MACROH2A1: variants seen among roughly 807,000 people sequenced by gnomAD.
MACROH2A1 encodes the protein core histone macro-H2A.1.
In MACROH2A1, 2 loss-of-function variants were observed where a neutral mutation model predicts 31.6. That is an observed-to-expected ratio of 0.06 (90% confidence interval 0.03 to 0.20). MACROH2A1 has a LOEUF of 0.20. Ranked by LOEUF, MACROH2A1 falls within the 10% of genes least tolerant of loss-of-function variation. MACROH2A1 has a pLI of 1.00. For missense variants in MACROH2A1, 230 were observed against 474.0 expected, an observed-to-expected ratio of 0.49 and a Z score of 4.78; for synonymous variants, 169 against 189.6, an observed-to-expected ratio of 0.89 and a Z score of 0.89.
chr5:135,346,098 C>A, intron 6 of MACROH2A1, 41 bp from the exon 7 acceptor site: 1 of 1,146,068 alleles, frequency 8.7e-7, no homozygotes, highest in Non-Finnish European at 1.3e-6. Context: ...CATTCTGTGT[C>A]TCCGGCACAC....
At position 135,388,797 on chromosome 5, in the gene MACROH2A1, T is replaced by G. The variant is rs1273015795; in HGVS notation, c.172+125A>C. On this transcript the variant is annotated intron_variant, in intron 2 of 8. Coordinates refer to ENST00000511689, the MANE Select transcript of MACROH2A1 (RefSeq NM_138610.3). The stretch of plus-strand genomic sequence containing the variant: ...CTAGGTGAAAATGTTCCTTGTACTC[T>G]TCTTGTAACTTTTCTGTAGGTTTGA... The G allele has an allele frequency of 4.7e-5, 36 of 758,198 alleles. No homozygotes were observed. In the South Asian group the frequency reaches 6.4e-4, roughly 13 times the overall value. The allele number at this position is 758,198 out of a possible 1,614,324, so 47.0% of individuals were successfully genotyped here.
intron 4 of MACROH2A1, among the ~76,000 whole-genome samples, chr5:135,367,576 C>A (rs1050914984): frequency 6.6e-6 from 1 of 152,186 alleles, no homozygotes; most frequent in Non-Finnish European, 1.5e-5. Context: ...TAGGGGAAGA[C>A]TAGAGTAACA....
chr5:135,387,812 G>T (rs966497265), intron 2 of MACROH2A1, among the ~76,000 whole-genome samples: 4 of 152,228 alleles, frequency 2.6e-5, no homozygotes, highest in Admixed American at 6.5e-5. Context: ...CAGGACCAAG[G>T]ACCCCTTGGA....
chr5:135,338,902 T>G (rs1759279837), intron 8 of MACROH2A1, among the ~76,000 whole-genome samples: 1 of 152,214 alleles, frequency 6.6e-6, no homozygotes, highest in Non-Finnish European at 1.5e-5. Flanking sequence ...CTCTAAGCAT[T>G]AATTTCCTCC....
chr5:135,350,870 G>A (rs1465499871), intron 6 of MACROH2A1: 1 of 1,613,292 alleles, frequency 6.2e-7, no homozygotes. Context: ...GTGAACGACA[G>A]CATCACTGTC....
chr5:135,360,864 A>C (rs1261811908), intron 4 of MACROH2A1: 1 of 640,920 alleles, frequency 1.6e-6, no homozygotes, highest in African/African-American at 1.8e-5. Context: ...TTCACTTTAC[A>C]GTGATCATTT....
chr5:135,342,571 A>G (rs1478266698), intron 8 of MACROH2A1, among the ~76,000 whole-genome samples: 4 of 152,132 alleles, frequency 2.6e-5, no homozygotes, highest in Admixed American at 6.5e-5. Context: ...TCCTCCGGGT[A>G]TGTGTATGTC....
At chr5:135,393,879 A>T (rs1767591670) in intron 1 of MACROH2A1, among the ~76,000 whole-genome samples, 1 of 152,230 alleles carries the variant, frequency 6.6e-6, no homozygotes, top group Non-Finnish European at 1.5e-5. Flanking sequence ...ATAAAACCTC[A>T]AAGCTTACCC....
intron 1 of MACROH2A1, 137 bp from the exon 2 acceptor site, chr5:135,389,263 C>A: frequency 2.0e-6 from 1 of 491,418 alleles, no homozygotes; most frequent in South Asian, 4.4e-5. Flanking sequence ...CCCTCCGGGT[C>A]CAGGTGATGC....
At chr5:135,338,985 G>C (rs558513121) in intron 8 of MACROH2A1, among the ~76,000 whole-genome samples, 1 of 152,110 alleles carries the variant, frequency 6.6e-6, no homozygotes, top group Admixed American at 6.5e-5. Flanking sequence ...CCAGTACTGC[G>C]GCCACCATCA....
intron 6 of MACROH2A1, among the ~76,000 whole-genome samples, chr5:135,350,322 C>A (rs181291299): frequency 2.6e-4 from 40 of 152,220 alleles, no homozygotes; most frequent in African/African-American, 8.4e-4. Flanking sequence ...TGGAAAGGGT[C>A]CTCCTTGTGC....
Position 135,379,541 on chromosome 5 carries a change from A to G in MACROH2A1, c.172+9381T>C, listed in dbSNP as rs542545580. On this transcript the variant is annotated intron_variant, in intron 2 of 8. Transcript: ENST00000511689. ...CCCTTTGGGTTTGTCTTCTTGCTAG[A>G]GTTTATTTATAGCTCTGAGGAGTGG... is the stretch of plus-strand genomic sequence containing the variant. Among the ~76,000 whole-genome samples the G allele has an allele frequency of 1.7e-4, 26 of 152,220 alleles. 1 individual carries two copies. In the South Asian group the frequency reaches 5.4e-3, roughly 32 times the overall value.
Position 135,334,750 on chromosome 5 carries a change from C to G in MACROH2A1, c.*226G>C. 1 of 492,600 alleles carries G rather than the reference C, an allele frequency of 2.0e-6. No individual in the cohort carries two copies. Among genetic ancestry groups the G allele is most frequent in the Non-Finnish European group, 3.6e-6 (1 of 275,780 alleles). 30.5% of individuals were successfully genotyped at this position (492,600 alleles called of 1,614,324 possible). ...TAGGTTACACTAAGTCAGACACGGT[C>G]TGGAACACAGTGCTTAACAACAGTA... On this transcript the variant is annotated 3_prime_UTR_variant, in exon 9 of 9. Coordinates refer to ENST00000511689, the MANE Select transcript of MACROH2A1 (RefSeq NM_138610.3).
chr5:135,366,412 G>A (rs1195057962), intron 4 of MACROH2A1, among the ~76,000 whole-genome samples: 2 of 152,096 alleles, frequency 1.3e-5, no homozygotes, highest in Admixed American at 1.3e-4. Context: ...ATTCTGTTAA[G>A]CCTCACAACC....
intron 8 of MACROH2A1, among the ~76,000 whole-genome samples, chr5:135,336,772 C>A (rs929728823): frequency 2.0e-5 from 3 of 152,216 alleles, no homozygotes; most frequent in African/African-American, 7.2e-5. Context: ...CCACACCAGG[C>A]AGAGCTGCCC....
chr5:135,346,593 T>C (rs146503454), intron 6 of MACROH2A1: 52 of 152,896 alleles, frequency 3.4e-4, no homozygotes, highest in African/African-American at 1.1e-3. Context: ...CCATGCTTAG[T>C]TCCTGTTTTG....
At chr5:135,391,559 C>T (rs1365784411) in intron 1 of MACROH2A1, among the ~76,000 whole-genome samples, 1 of 152,218 alleles carries the variant, frequency 6.6e-6, no homozygotes, top group Non-Finnish European at 1.5e-5. Flanking sequence ...ATGCCAGTGA[C>T]TCCCAGGTCT....
At chr5:135,375,577 C>T (rs532949258) in intron 2 of MACROH2A1, among the ~76,000 whole-genome samples, 1 of 152,314 alleles carries the variant, frequency 6.6e-6, no homozygotes, top group South Asian at 2.1e-4. Flanking sequence ...CTCCTAACAG[C>T]TAACAGGTGA....
chr5:135,391,467 C>G (rs1767228825), intron 1 of MACROH2A1, among the ~76,000 whole-genome samples: 1 of 152,210 alleles, frequency 6.6e-6, no homozygotes, highest in Admixed American at 6.5e-5. Flanking sequence ...AGAGACCTGG[C>G]AGGTCCTAGA....
Sources: allele counts gnomAD v4.1 joint callset (sites outside exome capture counted in the v4.1 genomes callset), GRCh38; gene constraint gnomAD v4.1.1; transcripts MANE v1.5; gene names NCBI Gene and HGNC (gene_info 2026-07-23, HGNC 2026-07-21).